Variants in GFRAL observed in about 807,000 individuals in gnomAD.
GFRAL encodes GDNF family receptor alpha-like.
A neutral mutation model predicts 45.4 loss-of-function variants in GFRAL; 36 were observed. The observed-to-expected ratio is 0.79, with a 90% CI of 0.61 to 1.05. The LOEUF is 1.05. Ranked by LOEUF, GFRAL falls within the 50% of genes least tolerant of loss-of-function variation. The pLI, the probability that GFRAL is intolerant of heterozygous loss-of-function variation, is 0.00. For synonymous variants in GFRAL, 166 were observed against 154.1 expected (o/e 1.08, Z -0.57); for missense variants, 507 against 467.5 (o/e 1.08, Z -0.78).
At chr6:55,359,159 T>G in intron 6 of GFRAL, 21 bp downstream of exon 6, 1 of 1,570,036 alleles carries the variant, frequency 6.4e-7, no homozygotes, top group Non-Finnish European at 8.7e-7. Context: ...CAAATAAAAT[T>G]ATCTGTCTAT....
rs555664594 is a variant in GFRAL, at chr6:55,332,992, A to G, written c.158-794A>G. 2.0e-5 allele frequency among the ~76,000 whole-genome samples: 3 copies of G among 152,198 alleles called. No individual in the cohort carries two copies. In the South Asian group the frequency reaches 6.2e-4, roughly 32 times the overall value. On this transcript the variant is annotated intron_variant, in intron 2 of 8. Coordinates refer to ENST00000340465, the MANE Select transcript of GFRAL (RefSeq NM_207410.2). Reference sequence around the variant, plus strand: ...CTACAGTATAATCTAAAAATAATCTATTTATTTTGATGATTAAACTTCTTG... The same window carrying G: ...CTACAGTATAATCTAAAAATAATCTGTTTATTTTGATGATTAAACTTCTTG...
intron 6 of GFRAL, among the ~76,000 whole-genome samples, chr6:55,398,175 C>A (rs994973071): frequency 1.3e-5 from 2 of 152,296 alleles, no homozygotes; most frequent in East Asian, 3.9e-4. Flanking sequence ...TATCTCCCTT[C>A]CTGCTCAGAG....
Position 55,378,081 on chromosome 6 carries a change from T to C in GFRAL, c.952+18943T>C, listed in dbSNP as rs116720154. On this transcript the variant is annotated intron_variant, in intron 6 of 8. Transcript: ENST00000340465. Reference sequence around the variant, plus strand: ...TGATTTGGGGTGACCCCACTAGCCTTGATTCCCTCAAACTCGCATACAGTG... The same window carrying C: ...TGATTTGGGGTGACCCCACTAGCCTCGATTCCCTCAAACTCGCATACAGTG... 5.9e-3 allele frequency among the ~76,000 whole-genome samples: 891 copies of C among 152,130 alleles called. 7 individuals carry two copies. Among genetic ancestry groups the C allele is most frequent in the African/African-American group, 0.02 (821 of 41,530 alleles).
intron 6 of GFRAL, among the ~76,000 whole-genome samples, chr6:55,388,390 G>A (rs956935707): frequency 3.3e-5 from 5 of 152,284 alleles, no homozygotes; most frequent in African/African-American, 9.6e-5. Context: ...ACTGCTGTGC[G>A]TCACTGGTGT....
chr6:55,355,058 A>C (rs1034944373), intron 5 of GFRAL, among the ~76,000 whole-genome samples: 2 of 151,994 alleles, frequency 1.3e-5, no homozygotes, highest in Non-Finnish European at 2.9e-5. Flanking sequence ...TTGCTTAGGA[A>C]ATATTCTAAA....
intron 3 of GFRAL, among the ~76,000 whole-genome samples, chr6:55,336,907 G>A (rs1475197702): frequency 6.6e-5 from 10 of 152,022 alleles, no homozygotes; most frequent in Admixed American, 2.0e-4. Flanking sequence ...GGTTTTCTTC[G>A]TTTTTAAAAT....
chr6:55,348,237 AGTGTGTGT>A (rs10560874), intron 3 of GFRAL, among the ~76,000 whole-genome samples: 1 of 150,316 alleles, frequency 6.7e-6, no homozygotes, highest in Non-Finnish European at 1.5e-5. Flanking sequence ...GGAAAAAATG[AGTGTGTGT>A]GTGTGTGTGT....
intron 4 of GFRAL, 46 bp from the exon 5 acceptor site, chr6:55,351,207 G>A (rs870806): frequency 0.54 from 708,665 of 1,303,552 alleles, 198,549 homozygotes; most frequent in Non-Finnish European, 0.58. Flanking sequence ...TGTATGTACA[G>A]CTTTGTGTTT....
chr6:55,356,809 T>C (rs1426120742), intron 5 of GFRAL, among the ~76,000 whole-genome samples: 1 of 151,832 alleles, frequency 6.6e-6, no homozygotes, highest in East Asian at 1.9e-4. Context: ...GTTTTTCTAC[T>C]TTTTTGATGT....
intron 1 of GFRAL, among the ~76,000 whole-genome samples, chr6:55,331,484 A>AT (rs1238859730): frequency 3.3e-5 from 5 of 152,176 alleles, no homozygotes; most frequent in Admixed American, 6.5e-5. Context: ...AAGTTGAGGA[A>AT]TAAATAGATG....
rs1767860309 is a variant in GFRAL, at chr6:55,333,868, T to C, written c.240T>C (p.Phe80=). ...ACTTAGTGGAAAGCAATTTCCAATT[T>C]AAAGAGTGTCTTTGCACTGATGACT... ...IQYLVESNFQ[F]KECLCTDDFY... Residue 80 remains phenylalanine, a synonymous_variant, in exon 3 of 9, where the codon TTT becomes TTC. Coordinates refer to ENST00000340465, the MANE Select transcript of GFRAL (RefSeq NM_207410.2). The C allele has an allele frequency of 1.9e-6, 3 of 1,610,724 alleles. No homozygotes were observed. The African/African-American group carries it at 4.0e-5, about 22-fold the overall frequency.
At chr6:55,384,471 T>G (rs1456402696) in intron 6 of GFRAL, among the ~76,000 whole-genome samples, 16 of 150,754 alleles carry the variant, frequency 1.1e-4, no homozygotes, top group Non-Finnish European at 2.9e-5. Context: ...CCCACAATTC[T>G]ACTGTTTACA....
intron 5 of GFRAL, among the ~76,000 whole-genome samples, chr6:55,354,339 A>G (rs963828383): frequency 6.6e-6 from 1 of 152,032 alleles, no homozygotes; most frequent in African/African-American, 2.4e-5. Context: ...CCACCTTTTC[A>G]AAATGTTTGG....
chr6:55,373,673 T>C (rs1768482992), intron 6 of GFRAL, among the ~76,000 whole-genome samples: 1 of 152,194 alleles, frequency 6.6e-6, no homozygotes, highest in African/African-American at 2.4e-5. Flanking sequence ...ATTTGCTCCA[T>C]CATTGAATCA....
intron 3 of GFRAL, among the ~76,000 whole-genome samples, chr6:55,346,968 TAGTTA>T (rs1384841662): frequency 6.6e-6 from 1 of 152,046 alleles, no homozygotes; most frequent in Non-Finnish European, 1.5e-5. Context: ...GTTGGGATGC[TAGTTA>T]AGTTGATAGT....
chr6:55,375,785 T>C (rs1768525325), intron 6 of GFRAL, among the ~76,000 whole-genome samples: 1 of 152,130 alleles, frequency 6.6e-6, no homozygotes, highest in Non-Finnish European at 1.5e-5. Flanking sequence ...GTTTTCTAGA[T>C]ACAGGATCAT....
chr6:55,347,520 A>T, intron 3 of GFRAL, among the ~76,000 whole-genome samples: 1 of 152,158 alleles, frequency 6.6e-6, no homozygotes, highest in East Asian at 1.9e-4. Flanking sequence ...TATCAGGGCA[A>T]GACTTTGAGG....
At chr6:55,370,852 T>A (rs1284856109) in intron 6 of GFRAL, among the ~76,000 whole-genome samples, 1 of 152,198 alleles carries the variant, frequency 6.6e-6, no homozygotes, top group Non-Finnish European at 1.5e-5. Context: ...TTTTTGAAAT[T>A]CAATGAAATA....
chr6:55,360,428 C>T (rs1386180470), intron 6 of GFRAL, among the ~76,000 whole-genome samples: 1 of 151,914 alleles, frequency 6.6e-6, no homozygotes, highest in African/African-American at 2.4e-5. Flanking sequence ...GTATCTATAT[C>T]TATATACAGA....
Sources: allele counts gnomAD v4.1 joint callset (sites outside exome capture counted in the v4.1 genomes callset), GRCh38; gene constraint gnomAD v4.1.1; transcripts MANE v1.5; gene names NCBI Gene and HGNC (gene_info 2026-07-23, HGNC 2026-07-21).